Variants in DHRS4L2 observed in about 807,000 individuals in gnomAD.
DHRS4L2 encodes the protein dehydrogenase/reductase 4 like 2.
Under a neutral mutation model 23.9 loss-of-function variants are expected in DHRS4L2, and 22 were observed. That is an observed-to-expected ratio of 0.92 (90% CI 0.66 to 1.31). DHRS4L2 has a LOEUF of 1.31. Ranked by LOEUF, DHRS4L2 falls within the 40% of genes most tolerant of loss-of-function variation. The pLI is 0.00. For missense variants in DHRS4L2, 385 were observed against 303.3 expected (o/e 1.27, Z -2.00); for synonymous variants, 141 against 123.7 (o/e 1.14, Z -0.93).
At chr14:23,972,371 T>C (rs12590173) in intron 1 of DHRS4L2, among the ~76,000 whole-genome samples, 70,639 of 151,698 alleles carry the variant, frequency 0.47, 21,449 homozygotes, top group East Asian at 0.84. Flanking sequence ...TCGTTCCTCC[T>C]GTCTGGAGTT....
At chr14:23,988,846 A>G (rs55911718), upstream of DHRS4L2, 45,184 of 1,465,226 alleles carry the variant, frequency 0.031, 1,501 homozygotes, top group Non-Finnish European at 0.036. Flanking sequence ...CGAGGGCGGG[A>G]AGGGGGCAGG....
chr14:23,999,264 G>A (rs1366662380), intron 3 of DHRS4L2, among the ~76,000 whole-genome samples: 4 of 144,972 alleles, frequency 2.8e-5, no homozygotes, highest in Non-Finnish European at 4.5e-5. Flanking sequence ...TTACCAAAAT[G>A]TGACCCAGAG....
At position 24,001,477 on chromosome 14, in the gene DHRS4L2, T is replaced by C; in HGVS notation, c.625T>C (p.Cys209Arg). The change falls in exon 6 of 8, where the codon TGC (cysteine) becomes CGC (arginine). Residue 209 changes from cysteine to arginine, a missense_variant. By Grantham distance (180) the Cys-to-Arg change is radical. Coordinates refer to ENST00000335125, the MANE Select transcript of DHRS4L2 (RefSeq NM_198083.4). The part of the protein sequence containing the change: ...ELAPRNIRVN[C>R]LHLDLSRLAS... The stretch of plus-strand genomic sequence containing the variant: ...GGCCCCAAGGAACATTAGGGTGAAC[T>C]GCCTGCACCTGGACTTATCAAGACT... The C allele has an allele frequency of 1.2e-6, 2 of 1,602,638 alleles. No homozygotes were observed. The highest frequency in any genetic ancestry group is 1.7e-6 in the Non-Finnish European group (2 of 1,177,550).
At chr14:23,987,630 G>C (rs1181040925), upstream of DHRS4L2, among the ~76,000 whole-genome samples, 1 of 151,520 alleles carries the variant, frequency 6.6e-6, no homozygotes, top group African/African-American at 2.4e-5. Flanking sequence ...CTACCCATCT[G>C]CTTTCATCAT....
chr14:23,983,273 T>C (rs1465947354), intron 1 of DHRS4L2, among the ~76,000 whole-genome samples: 2 of 151,498 alleles, frequency 1.3e-5, no homozygotes, highest in Non-Finnish European at 2.9e-5. Flanking sequence ...CCAACAAACA[T>C]GAAAAAAAGT....
In DHRS4L2 at chr14:23,972,996, A is replaced by G. The variant is rs188781088; in HGVS notation, c.-176+2664A>G. Among the ~76,000 whole-genome samples the G allele has an allele frequency of 4.2e-4, 63 of 151,680 alleles. 2 individuals are homozygous for G. The highest frequency in any genetic ancestry group is 4.1e-3 in the East Asian group (21 of 5,184). On this transcript the variant is annotated intron_variant, in intron 1 of 5. Coordinates refer to the DHRS4L2 transcript ENST00000534993. ...CATGTCTCGCCTCCCACCATAGGGCAGTTTTTCTCTCATTTCAGAATTGAA... is the reference window on the plus strand; with the variant it reads ...CATGTCTCGCCTCCCACCATAGGGCGGTTTTTCTCTCATTTCAGAATTGAA...
intron 3 of DHRS4L2, among the ~76,000 whole-genome samples, chr14:23,998,861 G>A (rs966389559): frequency 6.8e-6 from 1 of 146,094 alleles, no homozygotes; most frequent in African/African-American, 2.5e-5. Flanking sequence ...TTCACAATTT[G>A]GCTAACTGGT....
At chr14:23,997,992 G>T (rs561634000) in intron 3 of DHRS4L2, among the ~76,000 whole-genome samples, 4 of 151,854 alleles carry the variant, frequency 2.6e-5, no homozygotes, top group African/African-American at 9.6e-5. Flanking sequence ...AATAAGTCTT[G>T]GAAGTCAGAA....
At chr14:23,981,176 C>T (rs1324423008) in intron 1 of DHRS4L2, among the ~76,000 whole-genome samples, 1 of 151,510 alleles carries the variant, frequency 6.6e-6, no homozygotes, top group East Asian at 1.9e-4. Flanking sequence ...GACAGAGAGC[C>T]AAATCATGAG....
chr14:23,977,220 T>C (rs1284799266), intron 1 of DHRS4L2, among the ~76,000 whole-genome samples: 2 of 151,916 alleles, frequency 1.3e-5, no homozygotes, highest in Non-Finnish European at 2.9e-5. Flanking sequence ...TGTTTTCTTT[T>C]CTGGGTTCTT....
upstream of DHRS4L2, among the ~76,000 whole-genome samples, chr14:23,987,696 T>C (rs1176438206): frequency 6.6e-6 from 1 of 151,690 alleles, no homozygotes; most frequent in African/African-American, 2.4e-5. Flanking sequence ...AAAGGTATAC[T>C]CCACAATAAA....
At chr14:23,997,598 T>C (rs568059366) in intron 3 of DHRS4L2, among the ~76,000 whole-genome samples, 6,307 of 145,798 alleles carry the variant, frequency 0.043, 486 homozygotes, top group African/African-American at 0.16. Flanking sequence ...TCACCAGAAA[T>C]AGATTCCATC....
At chr14:24,001,138 C>T (rs1277226498) in intron 5 of DHRS4L2, 54 bp downstream of exon 5, 1 of 1,609,436 alleles carries the variant, frequency 6.2e-7, no homozygotes, top group Non-Finnish European at 8.5e-7. Flanking sequence ...CACATCTTTC[C>T]ACCCCTCCTA....
At chr14:23,994,434 C>G (rs2034334077) in intron 2 of DHRS4L2, among the ~76,000 whole-genome samples, 1 of 151,700 alleles carries the variant, frequency 6.6e-6, no homozygotes, top group South Asian at 2.1e-4. Flanking sequence ...TGGCTTGTGC[C>G]TATAACACTT....
chr14:23,976,877 T>C (rs2033976227), intron 1 of DHRS4L2, among the ~76,000 whole-genome samples: 1 of 151,758 alleles, frequency 6.6e-6, no homozygotes, highest in East Asian at 1.9e-4. Flanking sequence ...CGCTGCATCT[T>C]CTCACTCATA....
chr14:23,999,344 T>TAAAAAA (rs71426825), intron 3 of DHRS4L2, among the ~76,000 whole-genome samples: 4 of 53,676 alleles, frequency 7.5e-5, no homozygotes, highest in Non-Finnish European at 1.9e-4. Flanking sequence ...CTCCAATTTG[T>TAAAAAA]AAAAAAAAAA....
intron 3 of DHRS4L2, among the ~76,000 whole-genome samples, chr14:23,996,066 T>C (rs1276533586): frequency 1.3e-5 from 2 of 151,648 alleles, no homozygotes; most frequent in African/African-American, 4.8e-5. Context: ...GTGTGTCACA[T>C]GGCAAGACAG....
chr14:23,988,784 C>A, upstream of DHRS4L2: 1 of 1,402,836 alleles, frequency 7.1e-7, no homozygotes, highest in Non-Finnish European at 9.3e-7. Context: ...CGGGGCGGGG[C>A]GACTGGCGGG....
At chr14:23,992,320 T>C (rs1311443291) in intron 2 of DHRS4L2, among the ~76,000 whole-genome samples, 1 of 151,526 alleles carries the variant, frequency 6.6e-6, no homozygotes, top group African/African-American at 2.4e-5. Context: ...ACCAAGATTT[T>C]CCAACCCCAT....
Sources: gnomAD v4.1 joint callset for allele counts (sites outside exome capture counted in the v4.1 genomes callset) on GRCh38, gnomAD v4.1.1 for gene constraint, MANE v1.5 for transcripts, NCBI Gene and HGNC (gene_info 2026-07-23, HGNC 2026-07-21) for gene names.